CSMD1: variants seen among roughly 807,000 people sequenced by gnomAD.
CSMD1 encodes the protein CUB and Sushi multiple domains 1.
A neutral mutation model predicts 417.5 loss-of-function variants in CSMD1; 213 were observed. The observed-to-expected ratio is 0.51, with a 90% CI of 0.46 to 0.57. CSMD1 has a LOEUF of 0.57. Ranked by LOEUF, CSMD1 falls within the 20% of genes least tolerant of loss-of-function variation. The pLI, the probability that CSMD1 is intolerant of heterozygous loss-of-function variation, is 0.00. For synonymous variants in CSMD1, 2,862 were observed against 1,736.8 expected (o/e 1.65, Z -16.11); for missense variants, 6,923 against 4,529.7 (o/e 1.53, Z -15.17).
At chr8:4,717,097 G>C (rs1311372180) in intron 1 of CSMD1, among the ~76,000 whole-genome samples, 2 of 151,476 alleles carry the variant, frequency 1.3e-5, no homozygotes, top group African/African-American at 4.9e-5. Context: ...TCTGCCCCGA[G>C]AAAAACTATT....
intron 2 of CSMD1, among the ~76,000 whole-genome samples, chr8:4,600,921 A>G (rs1237340439): frequency 6.6e-6 from 1 of 151,970 alleles, no homozygotes; most frequent in Non-Finnish European, 1.5e-5. Context: ...AAAGTAATGT[A>G]AAAATGCCTT....
intron 5 of CSMD1, among the ~76,000 whole-genome samples, chr8:3,959,952 G>A (rs934544406): frequency 6.6e-6 from 1 of 152,146 alleles, no homozygotes; most frequent in Non-Finnish European, 1.5e-5. Context: ...TGATCATGTG[G>A]TACTTGAACA....
At chr8:3,024,285 G>T (rs1315047988) in intron 51 of CSMD1, among the ~76,000 whole-genome samples, 5 of 144,016 alleles carry the variant, frequency 3.5e-5, no homozygotes. Flanking sequence ...TTTACATTTT[G>T]AGGTTTTTTT....
Position 3,510,051 on chromosome 8 carries a change from A to G in CSMD1, c.1345-16325T>C, listed in dbSNP as rs528447742. 1.0e-3 allele frequency among the ~76,000 whole-genome samples: 159 copies of G among 152,356 alleles called. 1 individual carries two copies. Among genetic ancestry groups the G allele is most frequent in the Admixed American group, 2.4e-3 (36 of 15,302 alleles). ...CCACTTCTCCCCTCTACATCAGTGAAACACCGGTAAGGATAAAGAAAATGA... is the reference window on the plus strand; with the variant it reads ...CCACTTCTCCCCTCTACATCAGTGAGACACCGGTAAGGATAAAGAAAATGA... On this transcript the variant is annotated intron_variant, in intron 10 of 69. Transcript: ENST00000635120.
chr8:4,267,778 T>C (rs1388661585), intron 3 of CSMD1, among the ~76,000 whole-genome samples: 7 of 152,158 alleles, frequency 4.6e-5, no homozygotes, highest in African/African-American at 1.7e-4. Flanking sequence ...GCATATTTTA[T>C]ATTGAACAAT....
At chr8:3,063,048 C>T (rs563894746) in intron 49 of CSMD1, among the ~76,000 whole-genome samples, 2 of 152,204 alleles carry the variant, frequency 1.3e-5, no homozygotes, top group East Asian at 3.9e-4. Context: ...ATGCCAACCA[C>T]CAATGTCCTA....
chr8:4,703,540 T>C (rs1402997289), intron 1 of CSMD1, among the ~76,000 whole-genome samples: 2 of 152,176 alleles, frequency 1.3e-5, no homozygotes, highest in Non-Finnish European at 1.5e-5. Context: ...TTTATCAATT[T>C]TGCAAGGAAT....
chr8:4,840,545 T>A (rs1328015581), intron 1 of CSMD1, among the ~76,000 whole-genome samples: 2 of 152,172 alleles, frequency 1.3e-5, no homozygotes, highest in Non-Finnish European at 2.9e-5. Context: ...GCTTTCAAAA[T>A]AAACTTCCCA....
chr8:4,225,242 T>C (rs954905274), intron 3 of CSMD1, among the ~76,000 whole-genome samples: 6 of 152,318 alleles, frequency 3.9e-5, no homozygotes, highest in Non-Finnish European at 8.8e-5. Context: ...GGAGAATCAA[T>C]GACAAACCAT....
intron 6 of CSMD1, among the ~76,000 whole-genome samples, chr8:3,734,971 A>T (rs930015660): frequency 6.6e-6 from 1 of 152,200 alleles, no homozygotes; most frequent in African/African-American, 2.4e-5. Context: ...TCTTGTTTTG[A>T]GAGCAATAGC....
At chr8:4,336,451 T>C (rs983863461) in intron 3 of CSMD1, among the ~76,000 whole-genome samples, 1 of 152,126 alleles carries the variant, frequency 6.6e-6, no homozygotes, top group Non-Finnish European at 1.5e-5. Flanking sequence ...TCAGCATCTG[T>C]GCTATGTGTA....
intron 17 of CSMD1, among the ~76,000 whole-genome samples, chr8:3,388,785 T>A (rs1811163481): frequency 6.6e-6 from 1 of 152,172 alleles, no homozygotes; most frequent in Non-Finnish European, 1.5e-5. Context: ...CTTCCAACTC[T>A]GGAGGAGCTT....
At chr8:3,086,636 A>G (rs2129005871) in intron 49 of CSMD1, among the ~76,000 whole-genome samples, 1 of 152,366 alleles carries the variant, frequency 6.6e-6, no homozygotes, top group South Asian at 2.1e-4. Context: ...GCCAAAAAAA[A>G]GGCATGAAAT....
At chr8:3,759,929 A>G (rs1054908579) in intron 5 of CSMD1, among the ~76,000 whole-genome samples, 11 of 144,054 alleles carry the variant, frequency 7.6e-5, no homozygotes, top group African/African-American at 2.8e-4. Flanking sequence ...AAAAAAAATG[A>G]GGAACGGGGA....
At chr8:4,159,675 C>G (rs1714772) in intron 3 of CSMD1, among the ~76,000 whole-genome samples, 149,970 of 152,292 alleles carry the variant, frequency 0.98, 73,887 homozygotes, top group East Asian at 1. Flanking sequence ...TGCAAGCTCC[C>G]CCTCCCGGGT....
At chr8:4,714,206 G>T (rs1053824924) in intron 1 of CSMD1, among the ~76,000 whole-genome samples, 1 of 152,018 alleles carries the variant, frequency 6.6e-6, no homozygotes, top group Non-Finnish European at 1.5e-5. Flanking sequence ...CACGTCCACC[G>T]TGTTGACGCC....
chr8:3,372,381 G>A (rs1267449560), intron 18 of CSMD1, among the ~76,000 whole-genome samples: 1 of 152,118 alleles, frequency 6.6e-6, no homozygotes, highest in African/African-American at 2.4e-5. Flanking sequence ...GGATGGCCCT[G>A]CCTAGAAAAC....
At chr8:3,955,135 G>A (rs922106361) in intron 5 of CSMD1, among the ~76,000 whole-genome samples, 5 of 152,012 alleles carry the variant, frequency 3.3e-5, no homozygotes, top group South Asian at 4.1e-4. Context: ...CCTAACTACC[G>A]GTAACGGGAA....
intron 20 of CSMD1, among the ~76,000 whole-genome samples, chr8:3,366,046 G>T (rs958608877): frequency 1.3e-5 from 2 of 152,172 alleles, no homozygotes; most frequent in African/African-American, 2.4e-5. Flanking sequence ...GAATTTATGA[G>T]ATCTCAAAAG....
Sources: allele counts gnomAD v4.1 joint callset (sites outside exome capture counted in the v4.1 genomes callset), GRCh38; gene constraint gnomAD v4.1.1; transcripts MANE v1.5; gene names NCBI Gene and HGNC (gene_info 2026-07-23, HGNC 2026-07-21).